The following ACCSL variants were observed in gnomAD, a reference collection of about 807,000 sequenced individuals.
The protein encoded by ACCSL is 1-aminocyclopropane-1-carboxylate synthase homolog (inactive) like.
A neutral mutation model predicts 61.7 loss-of-function variants in ACCSL; 55 were observed. That is an observed-to-expected ratio of 0.89 (90% confidence interval 0.72 to 1.12). The LOEUF (loss-of-function observed/expected upper bound fraction) is 1.12. Ranked by LOEUF, ACCSL falls within the 50% of genes most tolerant of loss-of-function variation. The pLI is 0.00. For synonymous variants in ACCSL, 258 were observed against 264.3 expected (o/e 0.98, Z 0.23); for missense variants, 632 against 698.0 (o/e 0.91, Z 1.07).
intron 11 of ACCSL, among the ~76,000 whole-genome samples, chr11:44,056,658 C>G (rs1228687308): frequency 6.6e-6 from 1 of 152,060 alleles, no homozygotes; most frequent in East Asian, 1.9e-4. Context: ...CAAGGTGAAA[C>G]CCGGTCTCTA....
chr11:44,022,379 G>A, the ACCSL span, among the ~76,000 whole-genome samples: 1 of 152,012 alleles, frequency 6.6e-6, no homozygotes, highest in Non-Finnish European at 1.5e-5. Context: ...TTGCAGCTAT[G>A]TAAAACAGGT....
rs758481437 is a variant in ACCSL at position 44,059,877 on chromosome 11, A to C, written c.1664A>C (p.Glu555Ala). 5.6e-5 allele frequency: 90 copies of C among 1,613,832 alleles called. No individual in the cohort carries two copies. In the African/African-American group the frequency reaches 1.2e-3, roughly 21 times the overall value. Residue 555 changes from glutamate (E) to alanine (A), a missense_variant, in exon 14 of 14, where the codon GAG (glutamate) becomes GCG (alanine). Transcript: ENST00000378832. ...TGTGATGTGCTGCAGGAGCAGAAGG[A>C]GGCTTTGATAGTGAAGCAGTTGGAG... ...RFCDVLQEQKEALIVKQLEDA... is the reference protein window; with the variant it reads ...RFCDVLQEQKAALIVKQLEDA...
the ACCSL span, among the ~76,000 whole-genome samples, chr11:44,025,926 G>A: frequency 6.6e-6 from 1 of 152,156 alleles, no homozygotes; most frequent in African/African-American, 2.4e-5. Flanking sequence ...CTTATTAAGA[G>A]GCTCTTGTAC....
chr11:44,009,369 G>C, the ACCSL span, among the ~76,000 whole-genome samples: 1 of 152,146 alleles, frequency 6.6e-6, no homozygotes, highest in African/African-American at 2.4e-5. Flanking sequence ...TCAGTTCCTT[G>C]GGCCTAGCCT....
the ACCSL span, among the ~76,000 whole-genome samples, chr11:44,025,103 A>G: frequency 6.6e-6 from 1 of 152,164 alleles, no homozygotes. Context: ...TATAAACATC[A>G]TATAATTGGA....
the ACCSL span, among the ~76,000 whole-genome samples, chr11:43,924,501 G>A: frequency 6.6e-6 from 1 of 152,234 alleles, no homozygotes; most frequent in Non-Finnish European, 1.5e-5. Flanking sequence ...CTCCCCGCAG[G>A]AAGGACGGGG....
At chr11:43,971,273 A>G in the ACCSL span, among the ~76,000 whole-genome samples, 1 of 122,860 alleles carries the variant, frequency 8.1e-6, no homozygotes. Flanking sequence ...TGACAGAGCA[A>G]GACTCTGTCT....
At chr11:44,050,180 T>C in intron 2 of ACCSL, 59 bp downstream of exon 2, 1 of 1,441,852 alleles carries the variant, frequency 6.9e-7, no homozygotes, top group Non-Finnish European at 9.8e-7. Flanking sequence ...CCCCCTAGCG[T>C]GCTCCTGAGC....
chr11:43,925,563 C>T, the ACCSL span: 12 of 415,730 alleles, frequency 2.9e-5, no homozygotes, highest in South Asian at 8.6e-5. Flanking sequence ...AGACTGGCCC[C>T]GTTCGCTTTT....
chr11:44,053,104 C>A (rs1408519060), intron 7 of ACCSL, 36 bp downstream of exon 7: 2 of 1,562,600 alleles, frequency 1.3e-6, no homozygotes, highest in Non-Finnish European at 1.8e-6. Context: ...ATGGCCACTG[C>A]TGGTCCTAAA....
At chr11:44,000,049 G>A in the ACCSL span, among the ~76,000 whole-genome samples, 58 of 152,228 alleles carry the variant, frequency 3.8e-4, no homozygotes, top group East Asian at 1.9e-4. Flanking sequence ...AAGGCCAAGC[G>A]GGGGCGGATC....
the ACCSL span, among the ~76,000 whole-genome samples, chr11:43,940,740 G>A: frequency 6.8e-6 from 1 of 147,304 alleles, no homozygotes; most frequent in Non-Finnish European, 1.5e-5. Flanking sequence ...CTCTGCTTTA[G>A]CCAACAAGCC....
the ACCSL span, among the ~76,000 whole-genome samples, chr11:43,977,726 C>T: frequency 3.9e-5 from 6 of 152,248 alleles, no homozygotes; most frequent in Non-Finnish European, 8.8e-5. Flanking sequence ...AAGATCCCAC[C>T]TGGGTTGCCT....
the ACCSL span, among the ~76,000 whole-genome samples, chr11:44,024,722 T>C: frequency 0.86 from 131,260 of 152,050 alleles, 56,754 homozygotes; most frequent in African/African-American, 0.9. Context: ...ATATGTTGTC[T>C]AAATGTTCTA....
In ACCSL at chr11:44,051,720, G is replaced by A; in HGVS notation, c.772+1G>A. 1 of 1,614,100 alleles carries A rather than the reference G, an allele frequency of 6.2e-7. No homozygotes were observed. The highest frequency in any genetic ancestry group is 8.5e-7 in the Non-Finnish European group (1 of 1,180,022). On this transcript the variant is annotated splice_donor_variant, in intron 5 of 13. Coordinates refer to ENST00000378832, the MANE Select transcript of ACCSL (RefSeq NM_001031854.2). LOFTEE classifies it high-confidence loss of function. ...GCCATGGTTCTGTGTGATCCAGGCG[G>A]TAAGTCAGTGGGCTCTCCTTTCACT...
chr11:44,051,210 G>T, intron 3 of ACCSL, 125 bp from the exon 4 acceptor site: 1 of 926,978 alleles, frequency 1.1e-6, no homozygotes, highest in South Asian at 1.3e-5. Context: ...GTCTTAGTCA[G>T]TAGCCCTGTA....
At chr11:43,998,114 G>A in the ACCSL span, among the ~76,000 whole-genome samples, 1 of 152,224 alleles carries the variant, frequency 6.6e-6, no homozygotes, top group East Asian at 1.9e-4. Context: ...TCCCATTGGT[G>A]TAAAGGGGGT....
chr11:43,959,308 C>T, the ACCSL span, among the ~76,000 whole-genome samples: 2 of 152,120 alleles, frequency 1.3e-5, no homozygotes, highest in East Asian at 1.9e-4. Flanking sequence ...CATGGCCTGA[C>T]GTTGACCAAG....
the ACCSL span, among the ~76,000 whole-genome samples, chr11:44,023,554 G>A: frequency 6.7e-6 from 1 of 149,408 alleles, no homozygotes; most frequent in African/African-American, 2.5e-5. Context: ...TTTTTTCTTG[G>A]TCAGTCTAGC....
Sources: gnomAD v4.1 joint callset for allele counts (sites outside exome capture counted in the v4.1 genomes callset) on GRCh38, gnomAD v4.1.1 for gene constraint, MANE v1.5 for transcripts, NCBI Gene and HGNC (gene_info 2026-07-23, HGNC 2026-07-21) for gene names.